Variants in FHIT observed in about 807,000 individuals in gnomAD.
FHIT encodes the protein fragile histidine triad diadenosine triphosphatase, also known as bis(5'-adenosyl)-triphosphatase.
Under a neutral mutation model 17.9 loss-of-function variants are expected in FHIT, and 19 were observed. The ratio of observed to expected loss-of-function variants is 1.06; its 90% CI spans 0.74 to 1.56. The LOEUF (loss-of-function observed/expected upper bound fraction) is 1.56, where lower values mean the gene tolerates loss of function less well. FHIT is among the 40% of genes most tolerant of loss of function. The pLI is 0.00. For synonymous variants in FHIT, 81 were observed against 69.7 expected (o/e 1.16, Z -0.81); for missense variants, 248 against 189.2 (o/e 1.31, Z -1.82).
chr3:60,284,045 A>T (rs1707597063), intron 5 of FHIT, among the ~76,000 whole-genome samples: 1 of 152,124 alleles, frequency 6.6e-6, no homozygotes, highest in South Asian at 2.1e-4. Flanking sequence ...AATTAATAAA[A>T]AAAACTGAAG....
intron 3 of FHIT, among the ~76,000 whole-genome samples, chr3:61,012,497 T>C (rs900339042): frequency 6.6e-6 from 1 of 152,132 alleles, no homozygotes; most frequent in Non-Finnish European, 1.5e-5. Flanking sequence ...CAATCTCATC[T>C]GCTTATGTAT....
At chr3:60,454,608 T>C (rs1371139587) in intron 5 of FHIT, among the ~76,000 whole-genome samples, 1 of 152,010 alleles carries the variant, frequency 6.6e-6, no homozygotes, top group Non-Finnish European at 1.5e-5. Context: ...ATGGTCTCAA[T>C]CTCCTGACCT....
intron 3 of FHIT, among the ~76,000 whole-genome samples, chr3:60,927,398 G>A (rs797032894): frequency 5.3e-5 from 8 of 152,270 alleles, no homozygotes; most frequent in East Asian, 3.9e-4. Flanking sequence ...CCTCTGCCCC[G>A]CCGCCACCCT....
intron 1 of FHIT, among the ~76,000 whole-genome samples, chr3:61,209,867 C>G (rs1219920756): frequency 6.6e-6 from 1 of 152,188 alleles, no homozygotes; most frequent in Non-Finnish European, 1.5e-5. Flanking sequence ...AGCTGCGTTC[C>G]TTTGGAGGAG....
intron 2 of FHIT, among the ~76,000 whole-genome samples, chr3:61,110,314 G>A (rs1003574485): frequency 6.6e-6 from 1 of 152,162 alleles, no homozygotes; most frequent in South Asian, 2.1e-4. Context: ...CTTTGCCTGG[G>A]AGACTTTTAC....
intron 2 of FHIT, among the ~76,000 whole-genome samples, chr3:61,128,585 G>T (rs752362652): frequency 6.6e-6 from 1 of 152,032 alleles, no homozygotes; most frequent in Non-Finnish European, 1.5e-5. Context: ...TCCTAGTTTG[G>T]TGTTCTCTTT....
At chr3:60,603,676 T>C (rs782574621) in intron 4 of FHIT, among the ~76,000 whole-genome samples, 1 of 152,164 alleles carries the variant, frequency 6.6e-6, no homozygotes, top group Non-Finnish European at 1.5e-5. Context: ...TATAAATGTA[T>C]CTCTTTCAAT....
At chr3:60,683,015 C>T (rs576800898) in intron 4 of FHIT, among the ~76,000 whole-genome samples, 2 of 152,028 alleles carry the variant, frequency 1.3e-5, no homozygotes. Flanking sequence ...GAAGAAATAG[C>T]GACAACTAGA....
chr3:60,683,446 C>T (rs2040796086), intron 4 of FHIT, among the ~76,000 whole-genome samples: 1 of 152,142 alleles, frequency 6.6e-6, no homozygotes, highest in African/African-American at 2.4e-5. Flanking sequence ...CAAGACCCTC[C>T]ACCAGCAGAA....
intron 2 of FHIT, among the ~76,000 whole-genome samples, chr3:61,095,538 A>G (rs2106827662): frequency 1.3e-5 from 2 of 152,282 alleles, no homozygotes; most frequent in South Asian, 2.1e-4. Context: ...GCATCTGCCC[A>G]ATAACATATC....
At chr3:60,678,372 CT>C (rs1453793035) in intron 4 of FHIT, among the ~76,000 whole-genome samples, 5 of 152,106 alleles carry the variant, frequency 3.3e-5, no homozygotes, top group Non-Finnish European at 7.4e-5. Context: ...AAATACAATT[CT>C]TTTTTCATTT....
intron 3 of FHIT, among the ~76,000 whole-genome samples, chr3:60,891,185 T>G (rs1705500656): frequency 6.6e-6 from 1 of 152,166 alleles, no homozygotes; most frequent in African/African-American, 2.4e-5. Context: ...TACTGCTACT[T>G]TATAGTAGCT....
chr3:60,101,781 T>C (rs1704201404), intron 5 of FHIT, among the ~76,000 whole-genome samples: 1 of 152,164 alleles, frequency 6.6e-6, no homozygotes, highest in Non-Finnish European at 1.5e-5. Context: ...TGTCATTACC[T>C]GGGCCCCTGC....
intron 4 of FHIT, among the ~76,000 whole-genome samples, chr3:60,677,204 G>A (rs2040641211): frequency 1.3e-5 from 2 of 152,140 alleles, no homozygotes; most frequent in Admixed American, 6.5e-5. Context: ...AATTAAAGGG[G>A]TACAAGTGCA....
intron 5 of FHIT, among the ~76,000 whole-genome samples, chr3:60,092,728 G>A (rs367770191): frequency 6.6e-6 from 1 of 152,110 alleles, no homozygotes; most frequent in Admixed American, 6.6e-5. Flanking sequence ...TGAGCTAGCT[G>A]GAACAGCACA....
chr3:61,124,996 C>G (rs1469134372), intron 2 of FHIT, among the ~76,000 whole-genome samples: 3 of 152,058 alleles, frequency 2.0e-5, no homozygotes. Flanking sequence ...TGCAGTGCCT[C>G]TAGGAGGTTA....
intron 5 of FHIT, among the ~76,000 whole-genome samples, chr3:60,444,401 T>G (rs1385472007): frequency 6.6e-6 from 1 of 152,224 alleles, no homozygotes; most frequent in Non-Finnish European, 1.5e-5. Context: ...ACACGTATGT[T>G]TATTGCGGCA....
intron 5 of FHIT, among the ~76,000 whole-genome samples, chr3:60,180,526 G>C (rs972532379): frequency 6.6e-6 from 1 of 152,116 alleles, no homozygotes; most frequent in Non-Finnish European, 1.5e-5. Flanking sequence ...TATTTTTCTA[G>C]TCTTCAAGAA....
intron 7 of FHIT, among the ~76,000 whole-genome samples, chr3:59,977,112 G>A (rs766514460): frequency 1.2e-4 from 19 of 152,034 alleles, no homozygotes; most frequent in Non-Finnish European, 2.6e-4. Flanking sequence ...GAGAGGGCCC[G>A]GGAACCAAAA....
Sources: allele counts gnomAD v4.1 joint callset (sites outside exome capture counted in the v4.1 genomes callset), GRCh38; gene constraint gnomAD v4.1.1; transcripts MANE v1.5; gene names NCBI Gene and HGNC (gene_info 2026-07-23, HGNC 2026-07-21).